The following SLC9A6 variants were observed in gnomAD, a reference collection of about 807,000 sequenced individuals.
The protein encoded by SLC9A6 is sodium/hydrogen exchanger 6.
In SLC9A6, 6 loss-of-function variants were observed where a neutral mutation model predicts 45.3. The observed-to-expected ratio is 0.13, with a 90% CI of 0.07 to 0.26. The LOEUF (loss-of-function observed/expected upper bound fraction) is 0.26, where lower values mean the gene tolerates loss of function less well. Ranked by LOEUF, SLC9A6 falls within the 10% of genes least tolerant of loss-of-function variation. The pLI is 1.00. For synonymous variants in SLC9A6, 191 were observed against 187.7 expected, an observed-to-expected ratio of 1.02 and a Z score of -0.14; for missense variants, 278 against 503.7, an observed-to-expected ratio of 0.55 and a Z score of 4.29.
intron 2 of SLC9A6, among the ~76,000 whole-genome samples, chrX:135,992,178 A>C (rs1556615822): frequency 9.0e-6 from 1 of 111,628 alleles, no homozygotes. Flanking sequence ...CTCGGTGCTC[A>C]GGCCAACTTA....
upstream of SLC9A6, chrX:135,974,028 A>T: frequency 1.9e-6 from 1 of 526,541 alleles, no homozygotes; most frequent in Non-Finnish European, 2.7e-6. Context: ...AGTGGCGAGA[A>T]CAGGGTGGGG....
intron 1 of SLC9A6, chrX:135,975,423 T>A (rs1359306821): frequency 8.9e-6 from 1 of 112,310 alleles, no homozygotes; most frequent in Non-Finnish European, 1.9e-5. Context: ...ATGTGCAAAA[T>A]TCCTATTCCT....
intron 14 of SLC9A6, chrX:136,029,802 T>A: frequency 3.5e-6 from 1 of 284,327 alleles, no homozygotes; most frequent in Non-Finnish European, 6.3e-6. Context: ...CAGTAATTCT[T>A]ATTTAGCAAC....
chrX:135,990,047 G>A (rs1223720245), intron 2 of SLC9A6, among the ~76,000 whole-genome samples: 9 of 111,581 alleles, frequency 8.1e-5, no homozygotes, highest in Admixed American at 4.8e-4. Context: ...GTGCAGTGGC[G>A]CTATCTCGGC....
At chrX:136,033,623 C>T (rs2071365865) in intron 16 of SLC9A6, 130 bp downstream of exon 16, 8 of 358,116 alleles carry the variant, frequency 2.2e-5, no homozygotes, top group South Asian at 1.8e-4. Flanking sequence ...TTCCCTTTCC[C>T]CATCAGTGCT....
chrX:135,994,813 A>G lies in SLC9A6; in HGVS notation c.197A>G (p.Tyr66Cys). ...CTTTTGGTGGGCCTTGTGCTTCGGT[A>G]TGGCATTCATGTTCCGAGTGATGTA... is the stretch of plus-strand genomic sequence containing the variant. ...YGLLVGLVLR[Y>C]GIHVPSDVNN... is the part of the protein sequence containing the mutation. Residue 66 changes from tyrosine (Y) to cysteine (C), a missense_variant, in exon 3 of 18, where the codon TAT (tyrosine) becomes TGT (cysteine). Around this residue, in one of 5 missense-constraint regions of SLC9A6, gnomAD observed 118 missense variants for 209.9 expected, o/e 0.56. Transcript: ENST00000630721. The G allele has an allele frequency of 2.5e-6, 3 of 1,211,372 alleles. No homozygotes were observed. Among genetic ancestry groups the G allele is most frequent in the Non-Finnish European group, 3.4e-6 (3 of 895,399 alleles).
Position 136,041,147 on chromosome X carries a change from C to T in SLC9A6, c.1767+966C>T, listed in dbSNP as rs192608142. The stretch of plus-strand genomic sequence containing the variant: ...GAAAAAAAAAAGAAAAAGAAAAAGC[C>T]TTCCATTCTAAACAAACCTTTCAGA... On this transcript the variant is annotated intron_variant, in intron 17 of 17. Coordinates refer to ENST00000630721, the MANE Select transcript of SLC9A6 (RefSeq NM_001379110.1). 4.0e-3 allele frequency among the ~76,000 whole-genome samples: 448 copies of T among 111,412 alleles called. 4 individuals are homozygous for T. Among genetic ancestry groups the T allele is most frequent in the African/African-American group, 0.013 (399 of 30,704 alleles).
intron 2 of SLC9A6, among the ~76,000 whole-genome samples, chrX:135,988,532 CTCTT>C (rs201422888): frequency 0.031 from 2,791 of 89,495 alleles, 77 homozygotes; most frequent in Admixed American, 0.11. Context: ...TTCTTTCTCT[CTCTT>C]TCTTTCTTTC....
At chrX:135,997,087 G>T (rs1322235822) in intron 3 of SLC9A6, among the ~76,000 whole-genome samples, 1 of 106,285 alleles carries the variant, frequency 9.4e-6, no homozygotes, top group East Asian at 3.0e-4. Flanking sequence ...TTTTTGGGAT[G>T]GAGTTTTGCT....
chrX:136,002,269 C>G, intron 7 of SLC9A6, 56 bp downstream of exon 7: 1 of 785,533 alleles, frequency 1.3e-6, no homozygotes, highest in Non-Finnish European at 2.0e-6. Context: ...GTACTAGGAA[C>G]TGAAAGTCAC....
At chrX:135,993,609 G>A (rs1383809716) in intron 2 of SLC9A6, among the ~76,000 whole-genome samples, 1 of 110,887 alleles carries the variant, frequency 9.0e-6, no homozygotes, top group Non-Finnish European at 1.9e-5. Flanking sequence ...TGGCCAACAT[G>A]GTGAAACCCC....
Position 136,033,542 on chromosome X carries a change from A to G in SLC9A6, c.1661+49A>G, listed in dbSNP as rs1397975669. The G allele has an allele frequency of 6.6e-6, 5 of 752,146 alleles. No homozygotes were observed. The African/African-American group carries it at 1.0e-4, about 16-fold the overall frequency. 62.0% of individuals were successfully genotyped at this position (752,146 alleles called of 1,213,427 possible). ...AAAAAGGATAATGTGGACATAGATA[A>G]TTACAGTTTAATGGAACAAGTGTTT... On this transcript the variant is annotated intron_variant, in intron 16 of 17. Coordinates refer to ENST00000630721, the MANE Select transcript of SLC9A6 (RefSeq NM_001379110.1).
At chrX:135,996,837 G>A (rs781996564) in intron 3 of SLC9A6, among the ~76,000 whole-genome samples, 1 of 110,020 alleles carries the variant, frequency 9.1e-6, no homozygotes, top group South Asian at 3.9e-4. Flanking sequence ...CGTGATCTCG[G>A]CTCATTGCAA....
At chrX:136,037,578 A>G (rs2071432679) in intron 16 of SLC9A6, among the ~76,000 whole-genome samples, 1 of 111,296 alleles carries the variant, frequency 9.0e-6, no homozygotes, top group Admixed American at 9.6e-5. Context: ...TTATTTATTT[A>G]TTTATTTATT....
intron 15 of SLC9A6, 140 bp downstream of exon 15, chrX:136,030,302 T>TCCAAAGCTGA: frequency 1.5e-6 from 1 of 645,816 alleles, no homozygotes; most frequent in Non-Finnish European, 2.5e-6. Flanking sequence ...ATATCATTCC[T>TCCAAAGCTGA]GGCTTTTCTC....
intron 16 of SLC9A6, among the ~76,000 whole-genome samples, chrX:136,038,511 T>G (rs1225604483): frequency 9.0e-6 from 1 of 111,716 alleles, no homozygotes; most frequent in Non-Finnish European, 1.9e-5. Flanking sequence ...TTTCTTATAG[T>G]GTCCTTGTCA....
At chrX:135,995,576 G>A (rs1037554063) in intron 3 of SLC9A6, among the ~76,000 whole-genome samples, 8 of 111,571 alleles carry the variant, frequency 7.2e-5, no homozygotes, top group African/African-American at 2.0e-4. Flanking sequence ...CCCCCGCCTC[G>A]GCCTCCCAAA....
chrX:136,022,339 A>G (rs1272388813), intron 11 of SLC9A6, among the ~76,000 whole-genome samples: 3 of 112,075 alleles, frequency 2.7e-5, no homozygotes, highest in African/African-American at 9.7e-5. Context: ...ATTAAAATGA[A>G]ATAAATTTTC....
At chrX:135,975,256 CCTGA>C (rs1379353165) in intron 1 of SLC9A6, 5 of 112,543 alleles carry the variant, frequency 4.4e-5, no homozygotes, top group Non-Finnish European at 9.3e-5. Flanking sequence ...TCCAGTGACC[CCTGA>C]CTGAGTGGCA....
Sources: gnomAD v4.1 joint callset for allele counts (sites outside exome capture counted in the v4.1 genomes callset) on GRCh38, gnomAD v4.1.1 for gene constraint, gnomAD v4.1.1 regional missense constraint, MANE v1.5 for transcripts, NCBI Gene and HGNC (gene_info 2026-07-23, HGNC 2026-07-21) for gene names.